TENM3: variants seen among roughly 807,000 people sequenced by gnomAD.
The protein encoded by TENM3 is teneurin transmembrane protein 3, also known as teneurin-3.
A neutral mutation model predicts 255.1 loss-of-function variants in TENM3; 63 were observed. The ratio of observed to expected loss-of-function variants is 0.25; its 90% confidence interval spans 0.20 to 0.30. The LOEUF is 0.30. Among genes scored for constraint, TENM3 ranks in the 10% least tolerant of loss-of-function variants. TENM3 has a pLI of 1.00. For missense variants in TENM3, 2,929 were observed against 3,461.1 expected, an observed-to-expected ratio of 0.85 and a Z score of 3.86; for synonymous variants, 1,306 against 1,322.3, an observed-to-expected ratio of 0.99 and a Z score of 0.27.
rs78865360 is a variant in TENM3 at position 182,284,489 on chromosome 4, T to A, written c.-75-39457T>A. Among the ~76,000 whole-genome samples the A allele has an allele frequency of 4.5e-3, 688 of 152,298 alleles. 6 individuals carry two copies. Among genetic ancestry groups the A allele is most frequent in the African/African-American group, 0.016 (652 of 41,548 alleles). Reference sequence around the variant, plus strand: ...TATAATAAAAGGTAACTTTGTGGTGTTTTCAGCGTATTGAGGTAAAATGAA... The same window carrying A: ...TATAATAAAAGGTAACTTTGTGGTGATTTCAGCGTATTGAGGTAAAATGAA... On this transcript the variant is annotated intron_variant, in intron 1 of 27. Transcript: ENST00000511685.
At chr4:181,606,612 G>A in the TENM3 span, among the ~76,000 whole-genome samples, 1 of 152,104 alleles carries the variant, frequency 6.6e-6, no homozygotes. Flanking sequence ...CTCACATGCA[G>A]GTACTAGAGC....
intron 3 of TENM3, among the ~76,000 whole-genome samples, chr4:182,392,363 T>C (rs956122770): frequency 2.0e-5 from 3 of 152,236 alleles, no homozygotes; most frequent in African/African-American, 7.2e-5. Flanking sequence ...TCTTTCACTT[T>C]ACCACCCAGC....
chr4:182,501,447 T>G (rs28437809), intron 3 of TENM3, among the ~76,000 whole-genome samples: 85,109 of 150,972 alleles, frequency 0.56, 24,821 homozygotes, highest in African/African-American at 0.72. Flanking sequence ...TATCCAGAAT[T>G]TATAAATATC....
the TENM3 span, among the ~76,000 whole-genome samples, chr4:181,792,269 A>G: frequency 1.3e-5 from 2 of 152,238 alleles, no homozygotes; most frequent in African/African-American, 4.8e-5. Flanking sequence ...CTGCTTGTAA[A>G]TAGGAAAACA....
chr4:181,564,981 A>C, the TENM3 span, among the ~76,000 whole-genome samples: 6 of 152,160 alleles, frequency 3.9e-5, no homozygotes, highest in Non-Finnish European at 5.9e-5. Flanking sequence ...GTCGAATGTG[A>C]GATCCTTTTA....
chr4:181,665,381 T>A, the TENM3 span, among the ~76,000 whole-genome samples: 47 of 152,242 alleles, frequency 3.1e-4, no homozygotes, highest in Middle Eastern at 6.8e-3. Context: ...CTAGTCCCAT[T>A]CCTTAGGAGA....
rs561073295 is a variant in TENM3 at position 182,508,587 on chromosome 4, A to G, written c.512-92337A>G. Among the ~76,000 whole-genome samples, 26 of 152,352 alleles carry G rather than the reference A, an allele frequency of 1.7e-4. No individual in the cohort carries two copies. In the South Asian group the frequency reaches 5.2e-3, roughly 30 times the overall value. ...ACATAGGTGAGTAATAAATGATAGA[A>G]TGGGGTCCCTTTCTTCTGATAGATG... is the stretch of plus-strand genomic sequence containing the variant. On this transcript the variant is annotated intron_variant, in intron 3 of 27. Coordinates refer to ENST00000511685, the MANE Select transcript of TENM3 (RefSeq NM_001080477.4).
intron 4 of TENM3, among the ~76,000 whole-genome samples, chr4:182,621,760 TA>T (rs1459645857): frequency 3.1e-5 from 2 of 65,382 alleles, no homozygotes; most frequent in Non-Finnish European, 6.1e-5. Context: ...TTATAATATA[TA>T]ATAATTATAT....
At chr4:182,698,053 G>T (rs2309764) in intron 12 of TENM3, 3 of 151,884 alleles carry the variant, frequency 2.0e-5, no homozygotes, top group African/African-American at 7.3e-5. Context: ...CTTGGGTTCC[G>T]CTTCCTTGCA....
the TENM3 span, among the ~76,000 whole-genome samples, chr4:181,492,282 G>T: frequency 6.6e-6 from 1 of 152,094 alleles, no homozygotes; most frequent in East Asian, 1.9e-4. Context: ...GCTCAATACT[G>T]CTTCTCTTTT....
At chr4:182,215,191 A>C (rs1755372411) in intron 1 of TENM3, among the ~76,000 whole-genome samples, 1 of 152,218 alleles carries the variant, frequency 6.6e-6, no homozygotes, top group African/African-American at 2.4e-5. Flanking sequence ...GAGCTTTAAT[A>C]GTGGGCAAGG....
the TENM3 span, among the ~76,000 whole-genome samples, chr4:181,719,552 G>T: frequency 6.6e-6 from 1 of 152,112 alleles, no homozygotes; most frequent in Non-Finnish European, 1.5e-5. Context: ...AAGCGCAAAA[G>T]GGCTCCTTGC....
At chr4:181,893,114 C>T in the TENM3 span, among the ~76,000 whole-genome samples, 2 of 152,038 alleles carry the variant, frequency 1.3e-5, no homozygotes, top group Admixed American at 1.3e-4. Context: ...ATTCCGTATT[C>T]CCAGAGATGT....
chr4:181,890,571 A>C, the TENM3 span, among the ~76,000 whole-genome samples: 1 of 152,164 alleles, frequency 6.6e-6, no homozygotes, highest in Admixed American at 6.5e-5. Flanking sequence ...TTTTAAAAAA[A>C]TTTTTGCACT....
At chr4:182,062,414 C>T in the TENM3 span, among the ~76,000 whole-genome samples, 1,911 of 152,254 alleles carry the variant, frequency 0.013, 46 homozygotes, top group African/African-American at 0.042. Flanking sequence ...TCCATCAATG[C>T]GTCTCCACAT....
At chr4:181,461,468 T>C in the TENM3 span, among the ~76,000 whole-genome samples, 1 of 152,164 alleles carries the variant, frequency 6.6e-6, no homozygotes, top group Non-Finnish European at 1.5e-5. Flanking sequence ...AAATTTTTTC[T>C]ATTCTGCCCC....
chr4:181,846,736 G>A, the TENM3 span, among the ~76,000 whole-genome samples: 14 of 152,054 alleles, frequency 9.2e-5, no homozygotes, highest in African/African-American at 3.4e-4. Context: ...GTTAGACTAT[G>A]TACTACATTC....
the TENM3 span, among the ~76,000 whole-genome samples, chr4:182,010,906 A>T: frequency 6.6e-6 from 1 of 152,210 alleles, no homozygotes; most frequent in Non-Finnish European, 1.5e-5. Flanking sequence ...ATCAGCAGTT[A>T]CCTGGCTCCA....
intron 1 of TENM3, among the ~76,000 whole-genome samples, chr4:182,187,437 A>G (rs1375879641): frequency 6.6e-6 from 1 of 152,210 alleles, no homozygotes; most frequent in African/African-American, 2.4e-5. Context: ...TTTGAGTCAA[A>G]GGAGGTTAAA....
Sources: gnomAD v4.1 joint callset for allele counts (sites outside exome capture counted in the v4.1 genomes callset) on GRCh38, gnomAD v4.1.1 for gene constraint, MANE v1.5 for transcripts, NCBI Gene and HGNC (gene_info 2026-07-23, HGNC 2026-07-21) for gene names.